CMTR1: variants seen among roughly 807,000 people sequenced by gnomAD.
CMTR1 encodes cap-specific mRNA (nucleoside-2'-O-)-methyltransferase 1.
A neutral mutation model predicts 107.0 loss-of-function variants in CMTR1; 39 were observed. The ratio of observed to expected loss-of-function variants is 0.36; its 90% CI spans 0.28 to 0.48. The LOEUF (loss-of-function observed/expected upper bound fraction) is 0.48, where lower values mean the gene tolerates loss of function less well. CMTR1 is among the 20% of genes least tolerant of loss of function. The pLI is 0.99. For missense variants in CMTR1, 672 were observed against 1,064.9 expected (o/e 0.63, Z 5.14); for synonymous variants, 366 against 379.5 (o/e 0.96, Z 0.41).
chr6:37,426,497 C>T, the CMTR1 span, among the ~76,000 whole-genome samples: 1 of 150,882 alleles, frequency 6.6e-6, no homozygotes, highest in Non-Finnish European at 1.5e-5. Context: ...GTCTCTGTGC[C>T]AAGGATGAGC....
chr6:37,474,455 T>C, intron 17 of CMTR1, 69 bp from the exon 18 acceptor site: 1 of 1,587,104 alleles, frequency 6.3e-7, no homozygotes, highest in Non-Finnish European at 8.6e-7. Context: ...AAAAGCTCTT[T>C]TGAGAAGTAA....
At chr6:37,449,266 A>ATGTTT (rs1202996449) in intron 4 of CMTR1, among the ~76,000 whole-genome samples, 3 of 133,918 alleles carry the variant, frequency 2.2e-5, no homozygotes, top group Non-Finnish European at 4.8e-5. Context: ...GTACTATTTT[A>ATGTTT]TGTTTTGTTA....
chr6:37,471,334 AG>A (rs947520051), intron 14 of CMTR1, among the ~76,000 whole-genome samples: 2 of 152,296 alleles, frequency 1.3e-5, no homozygotes, highest in Admixed American at 1.3e-4. Flanking sequence ...AGTGCATCAG[AG>A]GGTGTAGAGT....
chr6:37,444,691 A>G (rs1771746635), intron 3 of CMTR1, among the ~76,000 whole-genome samples: 1 of 152,234 alleles, frequency 6.6e-6, no homozygotes. Flanking sequence ...ATGTGCAAAC[A>G]TTAGAGAGAT....
the CMTR1 span, among the ~76,000 whole-genome samples, chr6:37,424,077 C>T: frequency 1.3e-5 from 2 of 152,100 alleles, no homozygotes; most frequent in Non-Finnish European, 2.9e-5. Flanking sequence ...GGCACAACTG[C>T]CGGCATTCAC....
intron 19 of CMTR1, chr6:37,475,826 A>C (rs1761725214): frequency 6.1e-6 from 3 of 493,964 alleles, no homozygotes; most frequent in African/African-American, 1.9e-5. Context: ...AGACACATAC[A>C]ATAAAGATGA....
intron 13 of CMTR1, among the ~76,000 whole-genome samples, chr6:37,469,089 C>G (rs547464446): frequency 1.3e-5 from 2 of 151,400 alleles, no homozygotes; most frequent in Non-Finnish European, 2.9e-5. Context: ...GAGCCGAGAT[C>G]GTGCCACTGC....
At chr6:37,440,087 A>G (rs1771637171) in intron 2 of CMTR1, among the ~76,000 whole-genome samples, 1 of 152,228 alleles carries the variant, frequency 6.6e-6, no homozygotes, top group Non-Finnish European at 1.5e-5. Flanking sequence ...AGTGATTTCT[A>G]TCAAGTGGAG....
chr6:37,431,680 T>G (rs924217666), upstream of CMTR1, among the ~76,000 whole-genome samples: 2 of 152,070 alleles, frequency 1.3e-5, no homozygotes, highest in African/African-American at 2.4e-5. Flanking sequence ...CAACCTAGAT[T>G]TGTGACATCA....
chr6:37,462,755 C>T, intron 12 of CMTR1, 74 bp from the exon 13 acceptor site: 1 of 1,441,740 alleles, frequency 6.9e-7, no homozygotes, highest in South Asian at 1.2e-5. Context: ...TGTGATTCCA[C>T]AAGGGGTTGG....
At chr6:37,449,316 A>ATGTTATGTTAT (rs777934154) in intron 4 of CMTR1, among the ~76,000 whole-genome samples, 4 of 151,026 alleles carry the variant, frequency 2.6e-5, no homozygotes, top group Non-Finnish European at 5.9e-5. Context: ...ATGTTATGTT[A>ATGTTATGTTAT]TTTTGTTTTC....
chr6:37,471,964 G>GT, intron 15 of CMTR1, 60 bp downstream of exon 15: 1 of 1,500,564 alleles, frequency 6.7e-7, no homozygotes, highest in Non-Finnish European at 9.2e-7. Context: ...GAAGAATGGG[G>GT]TTGACTCCCA....
intron 18 of CMTR1, 21 bp from the exon 19 acceptor site, chr6:37,475,300 T>A: frequency 6.3e-7 from 1 of 1,598,670 alleles, no homozygotes; most frequent in Non-Finnish European, 8.6e-7. Context: ...GAGTGGGCAG[T>A]GTACCTACTT....
intron 8 of CMTR1, among the ~76,000 whole-genome samples, chr6:37,455,177 C>T (rs755564350): frequency 3.3e-5 from 5 of 151,776 alleles, no homozygotes; most frequent in Admixed American, 1.3e-4. Context: ...CTCCGCCTCT[C>T]GGGTTCACGT....
upstream of CMTR1, among the ~76,000 whole-genome samples, chr6:37,432,951 AATG>A (rs775093827): frequency 2.0e-5 from 3 of 152,258 alleles, no homozygotes; most frequent in Admixed American, 6.5e-5. Flanking sequence ...AAATGAAGAT[AATG>A]ATAAGATTAA....
intron 2 of CMTR1, among the ~76,000 whole-genome samples, chr6:37,438,470 A>G (rs1013854703): frequency 6.6e-6 from 1 of 152,206 alleles, no homozygotes; most frequent in East Asian, 1.9e-4. Flanking sequence ...ATTTGCAGAA[A>G]ATGAGATGGG....
At chr6:37,448,873 C>T (rs1771867294) in intron 4 of CMTR1, among the ~76,000 whole-genome samples, 1 of 152,184 alleles carries the variant, frequency 6.6e-6, no homozygotes. Flanking sequence ...AAACTTATCC[C>T]CAGGCCTCAC....
chr6:37,460,921 G>A (rs1451890679), intron 10 of CMTR1, among the ~76,000 whole-genome samples: 1 of 152,110 alleles, frequency 6.6e-6, no homozygotes, highest in Non-Finnish European at 1.5e-5. Flanking sequence ...GATCTCACAA[G>A]GAGGGAGACC....
chr6:37,473,555 G>A lies in CMTR1; in HGVS notation c.1775G>A (p.Arg592His). Residue 592 changes from arginine to histidine, a missense_variant, in exon 17 of 24, where the codon CGC (arginine) becomes CAC (histidine). This residue lies in a region of CMTR1 where 583 missense variants were observed against 968.4 expected (regional missense o/e 0.60). Coordinates refer to ENST00000373451, the MANE Select transcript of CMTR1 (RefSeq NM_015050.3). ...AAGATCCGCCCTGTGTTTGACTACC[G>A]CTGCATGGTATCTGGCAGTGAGCAG... The part of the protein sequence containing the change: ...LEKIRPVFDY[R>H]CMVSGSEQKF... The A allele has an allele frequency of 6.2e-7, 1 of 1,614,028 alleles. No individual in the cohort carries two copies. Among genetic ancestry groups the A allele is most frequent in the Non-Finnish European group, 8.5e-7 (1 of 1,179,976 alleles).
Sources: allele counts gnomAD v4.1 joint callset (sites outside exome capture counted in the v4.1 genomes callset), GRCh38; gene constraint gnomAD v4.1.1; regional missense constraint gnomAD v4.1.1; transcripts MANE v1.5; gene names NCBI Gene and HGNC (gene_info 2026-07-23, HGNC 2026-07-21).